The following TENM4 variants were observed in gnomAD, a reference collection of about 807,000 sequenced individuals.
The protein encoded by TENM4 is teneurin transmembrane protein 4.
In TENM4, 82 loss-of-function variants were observed where a neutral mutation model predicts 243.3. The ratio of observed to expected loss-of-function variants is 0.34; its 90% CI spans 0.28 to 0.40. The LOEUF is 0.40. TENM4 is among the 10% of genes least tolerant of loss of function. TENM4 has a pLI of 1.00. For synonymous variants in TENM4, 1,412 were observed against 1,456.3 expected, an observed-to-expected ratio of 0.97 and a Z score of 0.69; for missense variants, 3,138 against 3,673.3, an observed-to-expected ratio of 0.85 and a Z score of 3.77.
intron 3 of TENM4, among the ~76,000 whole-genome samples, chr11:79,150,615 A>G (rs976713409): frequency 2.6e-5 from 4 of 152,098 alleles, no homozygotes; most frequent in African/African-American, 9.7e-5. Context: ...TTGTCACTGC[A>G]TATTCCAGAC....
At chr11:79,211,656 A>T (rs950368807) in intron 3 of TENM4, among the ~76,000 whole-genome samples, 15 of 152,360 alleles carry the variant, frequency 9.8e-5, no homozygotes, top group African/African-American at 3.6e-4. Flanking sequence ...AAAAGTCATT[A>T]TTCATAAAAA....
intron 6 of TENM4, among the ~76,000 whole-genome samples, chr11:78,997,010 C>G (rs1192944348): frequency 1.3e-5 from 2 of 151,290 alleles, no homozygotes. Flanking sequence ...AAGGGGGGAC[C>G]TTCAAGTAAG....
At chr11:79,082,502 C>A (rs1404704937) in intron 4 of TENM4, among the ~76,000 whole-genome samples, 1 of 152,146 alleles carries the variant, frequency 6.6e-6, no homozygotes, top group African/African-American at 2.4e-5. Context: ...TTCTCTTCTG[C>A]AAAATGGGTT....
Position 78,856,145 on chromosome 11 carries a change from A to G in TENM4, c.1289T>C (p.Phe430Ser). 6.4e-7 allele frequency: 1 copy of G among 1,551,664 alleles called. No homozygotes were observed. The change falls in exon 11 of 34, where the codon TTC (phenylalanine) becomes TCC (serine). Residue 430 changes from phenylalanine (F) to serine (S), a missense_variant. Physicochemically the swap from Phe to Ser is radical, Grantham distance 155. Transcript: ENST00000278550. ...KPSSFFPEDS[F>S]IDSGEIDVGR... ...CACATCAATTTCTCCAGAATCTATG[A>G]AACTGTCCTCTGGAAAGAAACTACT...
At chr11:79,069,191 GTC>G (rs534527986) in intron 5 of TENM4, among the ~76,000 whole-genome samples, 29 of 152,284 alleles carry the variant, frequency 1.9e-4, no homozygotes, top group Non-Finnish European at 4.1e-4. Flanking sequence ...AAGTTTTCAT[GTC>G]TAACCATCTC....
chr11:79,023,664 C>T (rs952485621), intron 6 of TENM4, among the ~76,000 whole-genome samples: 5 of 152,038 alleles, frequency 3.3e-5, no homozygotes, highest in African/African-American at 1.2e-4. Flanking sequence ...ATCTGCTTCA[C>T]TGTTAATTAA....
At chr11:79,263,760 C>T (rs1342712768) in intron 2 of TENM4, among the ~76,000 whole-genome samples, 1 of 152,114 alleles carries the variant, frequency 6.6e-6, no homozygotes, top group East Asian at 1.9e-4. Context: ...CCAGGACCAG[C>T]ACCACTGTTA....
rs12224760 is a variant in TENM4 at position 79,359,736 on chromosome 11, T to C, written c.-320-62193A>G. ...GAAGGAAAACTGCAGATCAGACTTT[T>C]AAAAAACTTTTAAAAGTTACATCTT... On this transcript the variant is annotated intron_variant, in intron 1 of 33. Transcript: ENST00000278550. 3.4e-3 allele frequency among the ~76,000 whole-genome samples: 523 copies of C among 152,174 alleles called. 17 individuals carry two copies. The East Asian group carries it at 0.084, about 24-fold the overall frequency.
At chr11:79,397,190 G>A (rs984808731) in intron 1 of TENM4, among the ~76,000 whole-genome samples, 1 of 152,182 alleles carries the variant, frequency 6.6e-6, no homozygotes, top group Admixed American at 6.5e-5. Context: ...CATGGCTGAG[G>A]ACAGAAAATT....
chr11:79,049,083 C>T (rs1560995), intron 6 of TENM4, among the ~76,000 whole-genome samples: 142,446 of 152,194 alleles, frequency 0.94, 67,366 homozygotes, highest in Non-Finnish European at 0.98. Context: ...GTAGAGACCA[C>T]GTCAGGTCCA....
chr11:79,038,386 G>A (rs1859439457), intron 6 of TENM4, among the ~76,000 whole-genome samples: 1 of 152,194 alleles, frequency 6.6e-6, no homozygotes, highest in Non-Finnish European at 1.5e-5. Flanking sequence ...TGGGACTCTG[G>A]AATTTCAATG....
At chr11:78,977,361 C>T (rs1298684032) in intron 6 of TENM4, among the ~76,000 whole-genome samples, 1 of 152,224 alleles carries the variant, frequency 6.6e-6, no homozygotes, top group Non-Finnish European at 1.5e-5. Context: ...TTCTGCAGGG[C>T]TGGGTGGTGG....
At chr11:78,676,419 A>G in intron 29 of TENM4, 32 bp from the exon 30 acceptor site, 1 of 1,538,744 alleles carries the variant, frequency 6.5e-7, no homozygotes, top group Non-Finnish European at 8.9e-7. Context: ...GACTGCTCAG[A>G]AGGAACGAAG....
intron 4 of TENM4, among the ~76,000 whole-genome samples, chr11:79,087,865 C>A (rs1314673287): frequency 6.6e-6 from 1 of 152,242 alleles, no homozygotes; most frequent in Non-Finnish European, 1.5e-5. Flanking sequence ...CTACAGCCTC[C>A]AGGCTGCACA....
chr11:78,941,733 C>T (rs1856900253), intron 6 of TENM4, among the ~76,000 whole-genome samples: 1 of 152,208 alleles, frequency 6.6e-6, no homozygotes, highest in South Asian at 2.1e-4. Flanking sequence ...CAGCCCGAGG[C>T]TGCCTGGACT....
chr11:78,958,443 GAAA>G (rs1433399405), intron 6 of TENM4, among the ~76,000 whole-genome samples: 1 of 152,220 alleles, frequency 6.6e-6, no homozygotes, highest in Non-Finnish European at 1.5e-5. Flanking sequence ...ATATTTTAGT[GAAA>G]TCTTTCTTTA....
intron 6 of TENM4, among the ~76,000 whole-genome samples, chr11:78,953,174 G>A (rs1565141502): frequency 6.6e-6 from 1 of 152,176 alleles, no homozygotes; most frequent in East Asian, 1.9e-4. Context: ...GAACTATGGG[G>A]ACTGGAAACA....
At chr11:79,001,392 C>T (rs1354360934) in intron 6 of TENM4, among the ~76,000 whole-genome samples, 1 of 152,144 alleles carries the variant, frequency 6.6e-6, no homozygotes, top group East Asian at 1.9e-4. Flanking sequence ...GCCTGGCCCT[C>T]AGCAACTCCT....
At chr11:79,426,237 C>A (rs1859046502) in intron 1 of TENM4, among the ~76,000 whole-genome samples, 1 of 152,116 alleles carries the variant, frequency 6.6e-6, no homozygotes, top group Admixed American at 6.5e-5. Context: ...GTATCTTGTT[C>A]CTCCCACCAG....
Sources: gnomAD v4.1 joint callset for allele counts (sites outside exome capture counted in the v4.1 genomes callset) on GRCh38, gnomAD v4.1.1 for gene constraint, MANE v1.5 for transcripts, NCBI Gene and HGNC (gene_info 2026-07-23, HGNC 2026-07-21) for gene names.